TECR: variants seen among roughly 807,000 people sequenced by gnomAD.
TECR encodes very-long-chain enoyl-CoA reductase.
Under a neutral mutation model 50.6 loss-of-function variants are expected in TECR, and 19 were observed. That is an observed-to-expected ratio of 0.38 (90% CI 0.26 to 0.55). The LOEUF is 0.55. TECR is among the 20% of genes least tolerant of loss of function. The pLI is 0.79. For missense variants in TECR, 313 were observed against 408.3 expected, an observed-to-expected ratio of 0.77 and a Z score of 2.01; for synonymous variants, 168 against 163.5, an observed-to-expected ratio of 1.03 and a Z score of -0.21.
intron 2 of TECR, 24 bp downstream of exon 2, chr19:14,562,599 C>T: frequency 6.2e-7 from 1 of 1,613,970 alleles, no homozygotes; most frequent in Non-Finnish European, 8.5e-7. Flanking sequence ...GTGGGCTGCA[C>T]TGGGCCAAGG....
At chr19:14,555,589 G>A (rs1465977271) in intron 1 of TECR, among the ~76,000 whole-genome samples, 1 of 151,850 alleles carries the variant, frequency 6.6e-6, no homozygotes, top group East Asian at 1.9e-4. Context: ...GGGATTACAG[G>A]TGTGTGCCAC....
rs1415892847 is a variant in TECR at position 14,563,082 on chromosome 19, C to T, written c.67-124C>T. On this transcript the variant is annotated intron_variant, in intron 2 of 12. Coordinates refer to ENST00000215567, the MANE Select transcript of TECR (RefSeq NM_138501.6). The surrounding 1 kb of genome is among the most constrained non-coding windows in gnomAD (Gnocchi z 5.3). ...CCTGACTGCAGGCAGAGGCCTGGACCCCAGCCCTTCCCCCTTCCCATAGCT... is the reference window on the plus strand; with the variant it reads ...CCTGACTGCAGGCAGAGGCCTGGACTCCAGCCCTTCCCCCTTCCCATAGCT... 8.0e-7 allele frequency: 1 copy of T among 1,251,174 alleles called. No individual in the cohort carries two copies. The highest frequency in any genetic ancestry group is 1.1e-6 in the Non-Finnish European group (1 of 879,082). 77.5% of individuals were successfully genotyped at this position (1,251,174 alleles called of 1,614,324 possible).
chr19:14,565,472 C>T (rs2074050991), intron 11 of TECR, 146 bp from the exon 12 acceptor site: 1 of 1,394,112 alleles, frequency 7.2e-7, no homozygotes. Context: ...TGGGCTTCCG[C>T]CGTATACAGC....
At chr19:14,529,209 C>T (rs927757261), upstream of TECR, 1 of 261,662 alleles carries the variant, frequency 3.8e-6, no homozygotes, top group Non-Finnish European at 7.8e-6. Flanking sequence ...GGGCCGCCCA[C>T]CTCAGAATTT....
At chr19:14,557,445 C>T (rs2073770072) in intron 1 of TECR, among the ~76,000 whole-genome samples, 1 of 148,970 alleles carries the variant, frequency 6.7e-6, no homozygotes, top group Non-Finnish European at 1.5e-5. Context: ...CCCGCCTAAT[C>T]ATATTTATTC....
chr19:14,550,808 G>A (rs891494763), intron 1 of TECR, among the ~76,000 whole-genome samples: 3 of 151,866 alleles, frequency 2.0e-5, no homozygotes, highest in Non-Finnish European at 4.4e-5. Context: ...AGCCTCCCCC[G>A]TAGCTGGGAC....
chr19:14,553,705 G>C (rs1246047920), intron 1 of TECR, among the ~76,000 whole-genome samples: 3 of 151,954 alleles, frequency 2.0e-5, no homozygotes, highest in Non-Finnish European at 4.4e-5. Context: ...ATTTGTGATG[G>C]GGGCGAGGTG....
chr19:14,556,471 T>C (rs1387996322), intron 1 of TECR, among the ~76,000 whole-genome samples: 1 of 151,442 alleles, frequency 6.6e-6, no homozygotes, highest in Non-Finnish European at 1.5e-5. Context: ...CTAGTTTTGT[T>C]CACAACTCTT....
intron 1 of TECR, among the ~76,000 whole-genome samples, chr19:14,550,286 G>A (rs1408969966): frequency 1.3e-5 from 2 of 152,118 alleles, no homozygotes; most frequent in African/African-American, 4.8e-5. Context: ...GGTTGTGAGT[G>A]GGCGGGTGGT....
upstream of TECR, chr19:14,529,398 CCTTCT>C: frequency 1.8e-6 from 1 of 570,772 alleles, no homozygotes. Context: ...TGGTCAAGCC[CCTTCT>C]CTTTAGCCCC....
At chr19:14,543,956 T>G (rs1263475227) in intron 1 of TECR, among the ~76,000 whole-genome samples, 2 of 151,548 alleles carry the variant, frequency 1.3e-5, no homozygotes, top group African/African-American at 4.9e-5. Flanking sequence ...CAGGCAGGTC[T>G]CGAACTCCTG....
At chr19:14,547,786 T>G (rs945256695) in intron 1 of TECR, among the ~76,000 whole-genome samples, 16 of 151,804 alleles carry the variant, frequency 1.1e-4, no homozygotes, top group African/African-American at 3.9e-4. Flanking sequence ...AGCTTCCTGA[T>G]TATGCTAGGA....
intron 1 of TECR, among the ~76,000 whole-genome samples, chr19:14,542,347 G>GTGTTTTTTT (rs2073125545): frequency 3.7e-4 from 16 of 43,300 alleles, no homozygotes; most frequent in African/African-American, 1.1e-3. Context: ...ATGCCATAGT[G>GTGTTTTTTT]TTTTTTTTTT....
intron 1 of TECR, 133 bp from the exon 2 acceptor site, chr19:14,562,392 C>T (rs1427690347): frequency 1.8e-5 from 16 of 895,576 alleles, no homozygotes; most frequent in East Asian, 1.0e-4. Context: ...TGGTGGCAGG[C>T]GGCATGGACT....
intron 1 of TECR, among the ~76,000 whole-genome samples, chr19:14,558,723 C>A (rs1442146157): frequency 6.6e-6 from 1 of 152,180 alleles, no homozygotes; most frequent in Non-Finnish European, 1.5e-5. Flanking sequence ...AGCCCCCCTC[C>A]CACAGGTATC....
chr19:14,552,540 TTTC>T (rs2073565582), intron 1 of TECR, among the ~76,000 whole-genome samples: 1 of 151,188 alleles, frequency 6.6e-6, no homozygotes, highest in African/African-American at 2.4e-5. Flanking sequence ...TTTCTTTTCT[TTTC>T]TTTTTTTTTG....
At chr19:14,552,171 T>C (rs1056111495) in intron 1 of TECR, among the ~76,000 whole-genome samples, 1 of 147,820 alleles carries the variant, frequency 6.8e-6, no homozygotes, top group Non-Finnish European at 1.5e-5. Flanking sequence ...CTTTCTTTTT[T>C]CTTTTTTTTT....
At chr19:14,529,780 C>T in intron 1 of TECR, 69 bp downstream of exon 1, 4 of 1,607,190 alleles carry the variant, frequency 2.5e-6, no homozygotes, top group Non-Finnish European at 3.4e-6. Context: ...TGCGGGACCA[C>T]GGGACCCCAC....
At position 14,563,545 on chromosome 19, in the gene TECR, A is replaced by G; in HGVS notation, c.119-113A>G. Reference sequence around the variant, plus strand: ...TGCCCCCAGGTGGGAGGAGCTGTGGAGTCCTGGGGTCCTTGCACCCTGGGA... The same window carrying G: ...TGCCCCCAGGTGGGAGGAGCTGTGGGGTCCTGGGGTCCTTGCACCCTGGGA... On this transcript the variant is annotated intron_variant, in intron 3 of 12. Coordinates refer to ENST00000215567, the MANE Select transcript of TECR (RefSeq NM_138501.6). The surrounding 1 kb of genome is among the most constrained non-coding windows in gnomAD (Gnocchi z 5.3). 7.3e-7 allele frequency: 1 copy of G among 1,377,380 alleles called. No homozygotes were observed. The highest frequency in any genetic ancestry group is 1.0e-6 in the Non-Finnish European group (1 of 980,506). 85.3% of individuals were successfully genotyped at this position (1,377,380 alleles called of 1,614,324 possible).
Sources: gnomAD v4.1 joint callset for allele counts (sites outside exome capture counted in the v4.1 genomes callset) on GRCh38, gnomAD v4.1.1 for gene constraint, Gnocchi (gnomAD v3.1) non-coding constraint, MANE v1.5 for transcripts, NCBI Gene and HGNC (gene_info 2026-07-23, HGNC 2026-07-21) for gene names.